The following ENTREP2 variants were observed in gnomAD, a reference collection of about 807,000 sequenced individuals.
The protein encoded by ENTREP2 is protein ENTREP2.
the ENTREP2 span, among the ~76,000 whole-genome samples, chr15:29,405,787 A>C: frequency 6.6e-6 from 1 of 152,198 alleles, no homozygotes; most frequent in Non-Finnish European, 1.5e-5. Context: ...GTCGGCACGC[A>C]CAAGGTTGGC....
At chr15:29,232,453 C>T in the ENTREP2 span, among the ~76,000 whole-genome samples, 7 of 151,428 alleles carry the variant, frequency 4.6e-5, no homozygotes, top group Non-Finnish European at 4.4e-5. Context: ...TATATAAAGG[C>T]ATTCATCTGC....
At chr15:29,267,190 C>T in the ENTREP2 span, 2 of 152,194 alleles carry the variant, frequency 1.3e-5, no homozygotes, top group East Asian at 3.9e-4. Flanking sequence ...TTTTAAATGA[C>T]ATTCCGTCCA....
the ENTREP2 span, among the ~76,000 whole-genome samples, chr15:29,517,225 G>T: frequency 1.1e-4 from 17 of 152,250 alleles, no homozygotes; most frequent in South Asian, 1.5e-3. Context: ...CTAGCCACGG[G>T]AGGGAAATGA....
the ENTREP2 span, among the ~76,000 whole-genome samples, chr15:29,161,915 G>A: frequency 2.2e-4 from 34 of 152,224 alleles, no homozygotes; most frequent in African/African-American, 6.7e-4. Flanking sequence ...CAGCAACCCC[G>A]AGAGGACCGA....
At chr15:29,269,417 G>A in the ENTREP2 span, 2 of 1,614,134 alleles carry the variant, frequency 1.2e-6, no homozygotes, top group South Asian at 2.2e-5. Flanking sequence ...TCTTTAATCA[G>A]CAAGAACTGC....
the ENTREP2 span, among the ~76,000 whole-genome samples, chr15:29,208,088 C>T: frequency 6.6e-6 from 1 of 152,110 alleles, no homozygotes; most frequent in Non-Finnish European, 1.5e-5. Flanking sequence ...TTTTGTGTCC[C>T]CTACAGCAGG....
At chr15:29,158,832 C>T in the ENTREP2 span, among the ~76,000 whole-genome samples, 6 of 151,800 alleles carry the variant, frequency 4.0e-5, no homozygotes, top group African/African-American at 1.5e-4. Flanking sequence ...AGTTATGTAT[C>T]TAATAAATGA....
At chr15:29,424,242 T>A in the ENTREP2 span, among the ~76,000 whole-genome samples, 166 of 152,326 alleles carry the variant, frequency 1.1e-3, 1 homozygote, top group African/African-American at 3.8e-3. Context: ...ACTACCTAAG[T>A]GGACCCCATG....
At chr15:29,524,878 G>T in the ENTREP2 span, among the ~76,000 whole-genome samples, 2 of 152,214 alleles carry the variant, frequency 1.3e-5, no homozygotes, top group African/African-American at 4.8e-5. Flanking sequence ...CAAGGGAGGG[G>T]ACCCAAAGGG....
the ENTREP2 span, among the ~76,000 whole-genome samples, chr15:29,526,290 T>A: frequency 2.6e-5 from 4 of 152,114 alleles, no homozygotes; most frequent in African/African-American, 9.7e-5. Context: ...AGGGAAAGTG[T>A]CCATCTTCCA....
chr15:29,555,865 C>A, the ENTREP2 span, among the ~76,000 whole-genome samples: 2 of 152,184 alleles, frequency 1.3e-5, no homozygotes, highest in Non-Finnish European at 2.9e-5. Flanking sequence ...TGGAACCATT[C>A]GTTCTTCACC....
chr15:29,243,359 A>C, the ENTREP2 span, among the ~76,000 whole-genome samples: 5 of 152,190 alleles, frequency 3.3e-5, no homozygotes, highest in Non-Finnish European at 7.3e-5. Flanking sequence ...AAAAAACCAA[A>C]AAGTCTAACT....
the ENTREP2 span, among the ~76,000 whole-genome samples, chr15:29,509,907 T>G: frequency 8.5e-5 from 13 of 152,140 alleles, no homozygotes; most frequent in African/African-American, 3.1e-4. Flanking sequence ...ACAAATGGAA[T>G]CTAATTAAAC....
the ENTREP2 span, among the ~76,000 whole-genome samples, chr15:29,302,089 T>G: frequency 7.9e-5 from 12 of 152,324 alleles, no homozygotes; most frequent in African/African-American, 2.6e-4. Flanking sequence ...ATTTCCCTGT[T>G]TTTTTCATTT....
chr15:29,446,064 T>G, the ENTREP2 span, among the ~76,000 whole-genome samples: 8 of 152,080 alleles, frequency 5.3e-5, no homozygotes, highest in African/African-American at 1.9e-4. Flanking sequence ...CCTTATAAAT[T>G]AAGAGGCCGA....
At chr15:29,151,695 T>G in the ENTREP2 span, 3 of 1,496,702 alleles carry the variant, frequency 2.0e-6, no homozygotes, top group Non-Finnish European at 2.7e-6. Context: ...CTACACTGGT[T>G]TCAAACCGCG....
the ENTREP2 span, chr15:29,266,133 T>C: frequency 1.3e-5 from 2 of 152,048 alleles, no homozygotes; most frequent in African/African-American, 2.4e-5. Flanking sequence ...TCAATAGAAA[T>C]AGGTCTAAGA....
chr15:29,424,336 T>TTGATTGGTCCCTTTTACAGAGTGC, the ENTREP2 span, among the ~76,000 whole-genome samples: 1 of 151,454 alleles, frequency 6.6e-6, no homozygotes, highest in Non-Finnish European at 1.5e-5. Context: ...TTACAGAGCG[T>TTGATTGGTCCCTTTTACAGAGTGC]TGATTGGTCC....
chr15:29,622,023 A>G, the ENTREP2 span, among the ~76,000 whole-genome samples: 1 of 152,170 alleles, frequency 6.6e-6, no homozygotes, highest in African/African-American at 2.4e-5. Context: ...TCAAATTCAC[A>G]AAGACAGAAA....
Sources: allele counts gnomAD v4.1 joint callset (sites outside exome capture counted in the v4.1 genomes callset), GRCh38; gene constraint gnomAD v4.1.1; transcripts MANE v1.5; gene names NCBI Gene and HGNC (gene_info 2026-07-23, HGNC 2026-07-21).